ENOX2: variants seen among roughly 807,000 people sequenced by gnomAD.
The protein encoded by ENOX2 is ecto-NOX disulfide-thiol exchanger 2.
Under a neutral mutation model 45.0 loss-of-function variants are expected in ENOX2, and 36 were observed. The observed-to-expected ratio is 0.80, with a 90% CI of 0.61 to 1.06. The LOEUF (loss-of-function observed/expected upper bound fraction) is 1.06. Ranked by LOEUF, ENOX2 falls within the 50% of genes least tolerant of loss-of-function variation. The pLI is 0.00. For missense variants in ENOX2, 423 were observed against 462.5 expected (o/e 0.91, Z 0.78); for synonymous variants, 174 against 152.3 (o/e 1.14, Z -1.05).
At chrX:130,843,599 AC>A (rs1268153562) in intron 2 of ENOX2, among the ~76,000 whole-genome samples, 1 of 110,807 alleles carries the variant, frequency 9.0e-6, no homozygotes, top group Non-Finnish European at 1.9e-5. Context: ...TTGCTCAACA[AC>A]CCCTTTAACC....
rs28542055 is a variant in ENOX2 at position 130,633,831 on chromosome X, G to A, written c.1419+1153C>T. Among the ~76,000 whole-genome samples the A allele has an allele frequency of 6.7e-3, 747 of 112,270 alleles. 9 individuals are homozygous for A. The highest frequency in any genetic ancestry group is 0.023 in the African/African-American group (711 of 30,950). On this transcript the variant is annotated intron_variant, in intron 12 of 14. Coordinates refer to ENST00000394363, the MANE Select transcript of ENOX2 (RefSeq NM_006375.4). Reference sequence around the variant, plus strand: ...AGCTCTGGGACACTTTAGAAGCCCCGATGGCATGAGGAAAGTCCTGATAAG... The same window carrying A: ...AGCTCTGGGACACTTTAGAAGCCCCAATGGCATGAGGAAAGTCCTGATAAG...
In ENOX2 at chrX:130,743,989, A is replaced by G. The variant is rs144310862; in HGVS notation, c.-39+39558T>C. Among the ~76,000 whole-genome samples the G allele has an allele frequency of 4.2e-3, 474 of 112,008 alleles. 4 individuals carry two copies. Among genetic ancestry groups the G allele is most frequent in the African/African-American group, 0.015 (458 of 30,820 alleles). On this transcript the variant is annotated intron_variant, in intron 3 of 14. Transcript: ENST00000394363. ...TAAGAGTGGTCCAACATCGAGTGAT[A>G]AGGATAATAGGTTATATTTAATGAG...
chrX:130,746,203 A>G (rs777110161), intron 3 of ENOX2, among the ~76,000 whole-genome samples: 5 of 112,192 alleles, frequency 4.5e-5, no homozygotes, highest in African/African-American at 1.3e-4. Flanking sequence ...CTTCCCGTTA[A>G]TGAGCAGCAA....
At chrX:130,821,133 G>A (rs1057212192) in intron 2 of ENOX2, among the ~76,000 whole-genome samples, 1 of 111,232 alleles carries the variant, frequency 9.0e-6, no homozygotes. Context: ...CTAATTCTCT[G>A]GGGAGGGGTG....
rs764982508 is a variant in ENOX2, at chrX:130,787,460, CTAGT to C, written c.-182-3774_-182-3771del. 4.4e-3 allele frequency among the ~76,000 whole-genome samples: 491 copies of C among 111,694 alleles called. 3 individuals carry two copies. Among genetic ancestry groups the C allele is most frequent in the Non-Finnish European group, 6.0e-3 (319 of 53,080 alleles). ...AACATTGAATTTCCATTTTTAATTT[CTAGT>C]TACTGATGTGCAATGTGAGGAGATT... On this transcript the variant is annotated intron_variant, in intron 2 of 14. Transcript: ENST00000394363.
At chrX:130,703,088 A>T in intron 4 of ENOX2, 32 bp downstream of exon 4, 1 of 1,180,205 alleles carries the variant, frequency 8.5e-7, no homozygotes, top group Non-Finnish European at 1.1e-6. Flanking sequence ...CAATAAAAAT[A>T]AGCACTTGCG....
At chrX:130,655,746 T>A (rs1454449895) in intron 10 of ENOX2, among the ~76,000 whole-genome samples, 1 of 111,868 alleles carries the variant, frequency 8.9e-6, no homozygotes. Flanking sequence ...GGGATTCTTC[T>A]GCCTCAGCCT....
In ENOX2 at chrX:130,633,458, GA is replaced by G. The variant is rs762400042; in HGVS notation, c.1419+1525del. Among the ~76,000 whole-genome samples, 111 of 112,212 alleles carry G rather than the reference GA, an allele frequency of 9.9e-4. 1 individual carries two copies. Among genetic ancestry groups the G allele is most frequent in the African/African-American group, 3.4e-3 (104 of 30,929 alleles). On this transcript the variant is annotated intron_variant, in intron 12 of 14. Transcript: ENST00000394363. ...AAAGAAGCTTTGCTTAAAATAACAA[GA>G]AAAAAACATATTTTGACTCACTGTT...
intron 10 of ENOX2, among the ~76,000 whole-genome samples, chrX:130,652,490 A>C (rs945270654): frequency 1.8e-5 from 2 of 111,743 alleles, no homozygotes; most frequent in Admixed American, 1.9e-4. Context: ...TTGAATACAA[A>C]CCCCTTCTGC....
At chrX:130,631,445 C>A in intron 13 of ENOX2, 23 bp downstream of exon 13, 3 of 877,901 alleles carry the variant, frequency 3.4e-6, no homozygotes, top group Non-Finnish European at 5.1e-6. Context: ...TTGTACGTGG[C>A]ATGTGTGCAT....
chrX:130,632,364 C>CCG (rs751713721), intron 12 of ENOX2, among the ~76,000 whole-genome samples: 2 of 7,785 alleles, frequency 2.6e-4, no homozygotes, highest in Non-Finnish European at 6.3e-4. Flanking sequence ...CAGGAAGGGG[C>CCG]GGGGGGGGGG....
chrX:130,848,330 AAGC>A (rs1186542208), intron 2 of ENOX2, among the ~76,000 whole-genome samples: 1 of 111,884 alleles, frequency 8.9e-6, no homozygotes, highest in Non-Finnish European at 1.9e-5. Flanking sequence ...GGGAAAAAAA[AAGC>A]AGAGAGTAAA....
At chrX:130,792,182 A>G (rs1417334379) in intron 2 of ENOX2, among the ~76,000 whole-genome samples, 2 of 112,358 alleles carry the variant, frequency 1.8e-5, no homozygotes, top group Non-Finnish European at 3.8e-5. Context: ...GTTCTCACTT[A>G]TAAGTGGAAG....
At chrX:130,660,766 C>T (rs972104142) in intron 9 of ENOX2, among the ~76,000 whole-genome samples, 2 of 112,429 alleles carry the variant, frequency 1.8e-5, no homozygotes, top group African/African-American at 6.5e-5. Flanking sequence ...GATATCCCTC[C>T]TAAAGTTTTT....
chrX:130,655,658 G>C (rs1239744774), intron 10 of ENOX2, among the ~76,000 whole-genome samples: 1 of 111,959 alleles, frequency 8.9e-6, no homozygotes, highest in Non-Finnish European at 1.9e-5. Flanking sequence ...TTTTGAGGCA[G>C]AGTTTTGGTC....
At chrX:130,719,913 A>C (rs777295879) in intron 3 of ENOX2, among the ~76,000 whole-genome samples, 1 of 112,271 alleles carries the variant, frequency 8.9e-6, no homozygotes, top group Non-Finnish European at 1.9e-5. Context: ...TATGCAGTTA[A>C]AAGGAGAAAA....
At chrX:130,797,714 G>C (rs921310348) in intron 2 of ENOX2, among the ~76,000 whole-genome samples, 3 of 111,659 alleles carry the variant, frequency 2.7e-5, no homozygotes, top group African/African-American at 9.8e-5. Context: ...TGACCATATA[G>C]CAGCAGTGCA....
chrX:130,648,254 A>T (rs2036295069), intron 10 of ENOX2, among the ~76,000 whole-genome samples: 1 of 110,204 alleles, frequency 9.1e-6, no homozygotes, highest in South Asian at 3.9e-4. Flanking sequence ...AGCCTGACCA[A>T]CATAGAGAAA....
chrX:130,853,626 G>A (rs1284796085), intron 2 of ENOX2, among the ~76,000 whole-genome samples: 1 of 110,586 alleles, frequency 9.0e-6, no homozygotes, highest in Non-Finnish European at 1.9e-5. Context: ...TGAGGAAACC[G>A]GACTTCCACC....
Sources: gnomAD v4.1 joint callset for allele counts (sites outside exome capture counted in the v4.1 genomes callset) on GRCh38, gnomAD v4.1.1 for gene constraint, MANE v1.5 for transcripts, NCBI Gene and HGNC (gene_info 2026-07-23, HGNC 2026-07-21) for gene names.